AHI1: variants seen among roughly 807,000 people sequenced by gnomAD.
The protein encoded by AHI1 is jouberin.
A neutral mutation model predicts 149.3 loss-of-function variants in AHI1; 123 were observed. That is an observed-to-expected ratio of 0.82 (90% CI 0.71 to 0.96). AHI1 has a LOEUF of 0.96. Ranked by LOEUF, AHI1 falls within the 40% of genes least tolerant of loss-of-function variation. AHI1 has a pLI of 0.00. For missense variants in AHI1, 1,439 were observed against 1,422.7 expected (o/e 1.01, Z -0.18); for synonymous variants, 475 against 459.8 (o/e 1.03, Z -0.42).
intron 23 of AHI1, among the ~76,000 whole-genome samples, chr6:135,359,141 A>T (rs1793454843): frequency 2.0e-5 from 3 of 152,192 alleles, no homozygotes; most frequent in Admixed American, 6.5e-5. Context: ...ATCAACACAA[A>T]CAATCACTTT....
chr6:135,434,668 A>T (rs1011181004), intron 15 of AHI1, among the ~76,000 whole-genome samples: 1 of 152,110 alleles, frequency 6.6e-6, no homozygotes, highest in African/African-American at 2.4e-5. Flanking sequence ...GCCATGGTAG[A>T]ATCTGAGATT....
Position 135,448,333 on chromosome 6 carries a change from G to C in AHI1, c.1583C>G (p.Ser528Ter). 1 of 1,611,138 alleles carries C rather than the reference G, an allele frequency of 6.2e-7. No homozygotes were observed. Among genetic ancestry groups the C allele is most frequent in the Non-Finnish European group, 8.5e-7 (1 of 1,178,144 alleles). The part of the protein sequence containing the change: ...WSKCPRNHYP[S>*]TLYVTVRGLK... ...TCCTCTTACAGTTACGTACAGTGTTGATGGGTAATGATTTCTTGGACATTT... is the reference window on the plus strand; with the variant it reads ...TCCTCTTACAGTTACGTACAGTGTTCATGGGTAATGATTTCTTGGACATTT... The change falls in exon 12 of 29, where the codon TCA becomes TGA. Residue 528 changes from serine (S) to a stop codon, truncating the protein, a stop_gained. Coordinates refer to ENST00000265602, the MANE Select transcript of AHI1 (RefSeq NM_001134831.2). LOFTEE classifies it high-confidence loss of function.
At chr6:135,472,291 T>C (rs1188923191) in intron 5 of AHI1, among the ~76,000 whole-genome samples, 5 of 152,208 alleles carry the variant, frequency 3.3e-5, no homozygotes, top group Non-Finnish European at 4.4e-5. Flanking sequence ...ATACCATCTA[T>C]AGCCTTTTGT....
intron 24 of AHI1, among the ~76,000 whole-genome samples, chr6:135,347,621 A>G (rs1302298514): frequency 1.3e-5 from 2 of 152,228 alleles, no homozygotes; most frequent in Non-Finnish European, 2.9e-5. Context: ...TGCTTTGCAC[A>G]GTGCATAGTA....
chr6:135,412,400 C>T (rs992204522), intron 20 of AHI1, among the ~76,000 whole-genome samples: 2 of 152,182 alleles, frequency 1.3e-5, no homozygotes, highest in African/African-American at 4.8e-5. Flanking sequence ...CAAGAGATAA[C>T]TCTATTTATA....
chr6:135,399,396 C>T lies in AHI1; in HGVS notation c.2989-4500G>A, dbSNP rs140143895. ...ATATCTGAATCCTTCAGTCTTCAAC[C>T]GGGTACAACAAAGCTTGTCTCCATG... On this transcript the variant is annotated intron_variant, in intron 22 of 28. Coordinates refer to ENST00000265602, the MANE Select transcript of AHI1 (RefSeq NM_001134831.2). 2.9e-3 allele frequency among the ~76,000 whole-genome samples: 445 copies of T among 152,268 alleles called. 6 individuals are homozygous for T. The highest frequency in any genetic ancestry group is 0.014 in the Middle Eastern group (4 of 294).
rs1036903157 is a variant in AHI1, at chr6:135,380,289, A to G, written c.3109+14487T>C. Among the ~76,000 whole-genome samples, 3 of 152,172 alleles carry G rather than the reference A, an allele frequency of 2.0e-5. No homozygotes were observed. The South Asian group carries it at 6.2e-4, about 32-fold the overall frequency. ...AAAGAAATGCATCTGTAATGAACAC[A>G]TAGACTTTTTTCTTGTCATTATTCC... On this transcript the variant is annotated intron_variant, in intron 23 of 28. Coordinates refer to ENST00000265602, the MANE Select transcript of AHI1 (RefSeq NM_001134831.2).
intron 5 of AHI1, among the ~76,000 whole-genome samples, chr6:135,468,037 G>A (rs1305756198): frequency 6.6e-6 from 1 of 152,038 alleles, no homozygotes; most frequent in Non-Finnish European, 1.5e-5. Context: ...TATTTTAAAA[G>A]TAGTTAAAAA....
chr6:135,313,475 T>C (rs1434469525), intron 26 of AHI1, among the ~76,000 whole-genome samples: 1 of 152,130 alleles, frequency 6.6e-6, no homozygotes, highest in Non-Finnish European at 1.5e-5. Flanking sequence ...TTAAATCTAT[T>C]AGAATTAAGG....
rs1785709509 is a variant in AHI1 at position 135,438,242 on chromosome 6, T to C, written c.2036+133A>G. 6 of 769,202 alleles carry C rather than the reference T, an allele frequency of 7.8e-6. No individual in the cohort carries two copies. In the Admixed American group the frequency reaches 1.5e-4, roughly 19 times the overall value. 47.6% of individuals were successfully genotyped at this position (769,202 alleles called of 1,614,324 possible). A position where few individuals can be genotyped will look rare whatever the true frequency, so the allele number is the denominator to read the frequency against. On this transcript the variant is annotated intron_variant, in intron 15 of 28. Transcript: ENST00000265602. ...CTATAATTTATGGAATCAGTCTGCA[T>C]GATGCATATTTATGACAGTCCCTTC...
At chr6:135,471,928 C>T (rs1054077915) in intron 5 of AHI1, among the ~76,000 whole-genome samples, 20 of 138,106 alleles carry the variant, frequency 1.4e-4, no homozygotes, top group African/African-American at 4.2e-4. Flanking sequence ...AGGAGAATGG[C>T]GTGAACCTGG....
intron 27 of AHI1, 40 bp from the exon 28 acceptor site, chr6:135,290,565 G>C: frequency 6.2e-7 from 1 of 1,609,828 alleles, no homozygotes; most frequent in East Asian, 2.2e-5. Context: ...GCCAGTAAAA[G>C]AGAGCTGAGC....
chr6:135,366,291 C>T (rs1031402576), intron 23 of AHI1, among the ~76,000 whole-genome samples: 13 of 151,568 alleles, frequency 8.6e-5, no homozygotes, highest in Middle Eastern at 3.2e-3. Flanking sequence ...TACGGTGATA[C>T]GGGATTCATA....
At chr6:135,407,206 A>G (rs1451799556) in intron 21 of AHI1, among the ~76,000 whole-genome samples, 3 of 152,154 alleles carry the variant, frequency 2.0e-5, no homozygotes, top group African/African-American at 4.8e-5. Context: ...ACTCACACAT[A>G]CCCCACAAAA....
intron 5 of AHI1, among the ~76,000 whole-genome samples, chr6:135,478,794 T>C (rs1490607631): frequency 6.6e-6 from 1 of 152,210 alleles, no homozygotes; most frequent in African/African-American, 2.4e-5. Flanking sequence ...GCCCTTCCTA[T>C]CACAGGCCTG....
Position 135,447,252 on chromosome 6 carries a change from A to T in AHI1, c.1627-92T>A, listed in dbSNP as rs41288019. On this transcript the variant is annotated intron_variant, in intron 12 of 28. Transcript: ENST00000265602. ...TTTTTAAAATACTGAAACAAATAATATGAAAATATTTTCAAAATGTAATCC... is the reference window on the plus strand; with the variant it reads ...TTTTTAAAATACTGAAACAAATAATTTGAAAATATTTTCAAAATGTAATCC... 0.02 allele frequency: 17,031 copies of T among 835,618 alleles called. 241 individuals are homozygous for T. Among genetic ancestry groups the T allele is most frequent in the East Asian group, 0.038 (1,176 of 31,078 alleles). 51.8% of individuals were successfully genotyped at this position (835,618 alleles called of 1,614,324 possible). A position where few individuals can be genotyped will look rare whatever the true frequency, so the allele number is the denominator to read the frequency against.
At chr6:135,322,235 G>T (rs146903735) in intron 25 of AHI1, among the ~76,000 whole-genome samples, 2 of 152,316 alleles carry the variant, frequency 1.3e-5, no homozygotes, top group East Asian at 3.9e-4. Flanking sequence ...TTGAGCTGAG[G>T]TTAGAAGTCA....
intron 23 of AHI1, among the ~76,000 whole-genome samples, chr6:135,370,538 G>A (rs1292240892): frequency 1.3e-5 from 2 of 152,178 alleles, no homozygotes; most frequent in Non-Finnish European, 2.9e-5. Flanking sequence ...GATTATAGAA[G>A]GCTTGCTCCT....
chr6:135,493,309 T>C (rs933450652), intron 3 of AHI1, among the ~76,000 whole-genome samples: 2 of 152,214 alleles, frequency 1.3e-5, no homozygotes, highest in Non-Finnish European at 2.9e-5. Flanking sequence ...CAAGGCATTA[T>C]TGGTTAATGC....
Sources: gnomAD v4.1 joint callset for allele counts (sites outside exome capture counted in the v4.1 genomes callset) on GRCh38, gnomAD v4.1.1 for gene constraint, MANE v1.5 for transcripts, NCBI Gene and HGNC (gene_info 2026-07-23, HGNC 2026-07-21) for gene names.